The following TBC1D30 variants were observed in gnomAD, a reference collection of about 807,000 sequenced individuals.
The protein encoded by TBC1D30 is TBC1 domain family member 30, also known as TBC1 domain family, member 30.
Under a neutral mutation model 63.2 loss-of-function variants are expected in TBC1D30, and 31 were observed. That is an observed-to-expected ratio of 0.49 (90% confidence interval 0.37 to 0.66). TBC1D30 has a LOEUF of 0.66. TBC1D30 is among the 30% of genes least tolerant of loss of function. The pLI is 0.00. For synonymous variants in TBC1D30, 307 were observed against 361.5 expected, an observed-to-expected ratio of 0.85 and a Z score of 1.71; for missense variants, 810 against 953.6, an observed-to-expected ratio of 0.85 and a Z score of 1.98.
intron 2 of TBC1D30, among the ~76,000 whole-genome samples, chr12:64,795,760 A>T (rs1406082197): frequency 2.6e-5 from 3 of 115,924 alleles, no homozygotes; most frequent in Admixed American, 1.7e-4. Flanking sequence ...TTTAAAAATT[A>T]TCTTTACAAT....
At chr12:64,864,419 AC>A (rs1878043927) in intron 8 of TBC1D30, among the ~76,000 whole-genome samples, 1 of 152,140 alleles carries the variant, frequency 6.6e-6, no homozygotes, top group Admixed American at 6.5e-5. Flanking sequence ...GTGATTGCCC[AC>A]CCTTGTTTAC....
intron 2 of TBC1D30, among the ~76,000 whole-genome samples, chr12:64,801,312 A>C (rs1015114201): frequency 1.3e-5 from 2 of 152,104 alleles, no homozygotes; most frequent in Admixed American, 6.5e-5. Context: ...GGTTGGATCA[A>C]AGTTTGTGTG....
At chr12:64,818,402 T>C (rs1056973332) in intron 2 of TBC1D30, 25 of 984,274 alleles carry the variant, frequency 2.5e-5, no homozygotes, top group Non-Finnish European at 4.8e-6. Flanking sequence ...ACACAATCCT[T>C]GTGTCCTTGT....
At chr12:64,867,375 G>A (rs1878308497) in intron 10 of TBC1D30, among the ~76,000 whole-genome samples, 1 of 151,404 alleles carries the variant, frequency 6.6e-6, no homozygotes, top group Admixed American at 6.6e-5. Context: ...CAGGAGAATC[G>A]CTTGAACCCA....
chr12:64,808,563 G>A (rs1395286097), intron 2 of TBC1D30, among the ~76,000 whole-genome samples: 2 of 152,104 alleles, frequency 1.3e-5, no homozygotes, highest in Non-Finnish European at 2.9e-5. Flanking sequence ...TTTTCTAAGG[G>A]TATCTCTTAT....
chr12:64,776,343 A>G (rs1871080170), upstream of TBC1D30, among the ~76,000 whole-genome samples: 1 of 152,220 alleles, frequency 6.6e-6, no homozygotes, highest in Non-Finnish European at 1.5e-5. Context: ...GAAAAAATTA[A>G]TAAGATAGAT....
At chr12:64,801,891 A>G (rs1221223725) in intron 2 of TBC1D30, among the ~76,000 whole-genome samples, 2 of 152,188 alleles carry the variant, frequency 1.3e-5, no homozygotes, top group African/African-American at 4.8e-5. Context: ...TTAAATGTGC[A>G]TCTAACCTTA....
chr12:64,844,323 AGT>A (rs1258502144), intron 8 of TBC1D30, among the ~76,000 whole-genome samples: 1 of 152,226 alleles, frequency 6.6e-6, no homozygotes, highest in Non-Finnish European at 1.5e-5. Context: ...ATTGACAGCA[AGT>A]ATAGAAAAAA....
chr12:64,808,046 A>G (rs147272006), intron 2 of TBC1D30, among the ~76,000 whole-genome samples: 168 of 151,260 alleles, frequency 1.1e-3, no homozygotes, highest in African/African-American at 4.0e-3. Flanking sequence ...ATGAGCCACT[A>G]TGCCCAGCCA....
At chr12:64,834,863 G>T (rs1461696014) in intron 5 of TBC1D30, among the ~76,000 whole-genome samples, 1 of 151,678 alleles carries the variant, frequency 6.6e-6, no homozygotes, top group Non-Finnish European at 1.5e-5. Flanking sequence ...GATAATTGAA[G>T]AATTTTTTTT....
chr12:64,765,522 T>C (rs1360512898), intron 1 of TBC1D30, among the ~76,000 whole-genome samples: 1 of 63,778 alleles, frequency 1.6e-5, no homozygotes, highest in African/African-American at 6.1e-5. Flanking sequence ...AAAAAAAAAT[T>C]ACTATATAGG....
chr12:64,802,357 A>G (rs1310522500), intron 2 of TBC1D30, among the ~76,000 whole-genome samples: 1 of 152,022 alleles, frequency 6.6e-6, no homozygotes, highest in Non-Finnish European at 1.5e-5. Flanking sequence ...GGAGACGAAA[A>G]GGGTCGCCCA....
intron 8 of TBC1D30, among the ~76,000 whole-genome samples, chr12:64,844,632 TAC>T (rs1399769274): frequency 6.6e-6 from 1 of 152,228 alleles, no homozygotes. Flanking sequence ...TCTTTCTAAC[TAC>T]TTTTTGTACC....
At position 64,877,035 on chromosome 12, in the gene TBC1D30, T is replaced by TA; in HGVS notation, c.*1247_*1248insA. On this transcript the variant is annotated 3_prime_UTR_variant, in exon 12 of 12. Coordinates refer to ENST00000539867, the MANE Select transcript of TBC1D30 (RefSeq NM_015279.2). ...ACACAGATGTATTGGCTACATAGCG[T>TA]GTAAAAACCAAGACTGGGAAGCCAT... 1 of 380,150 alleles carries TA rather than the reference T, an allele frequency of 2.6e-6. No individual in the cohort carries two copies. Among genetic ancestry groups the TA allele is most frequent in the Non-Finnish European group, 5.3e-6 (1 of 188,984 alleles). The allele number at this position is 380,150 out of a possible 1,614,324, so 23.5% of individuals were successfully genotyped here. A position where few individuals can be genotyped will look rare whatever the true frequency, so the allele number is the denominator to read the frequency against.
chr12:64,830,419 A>G lies in TBC1D30; in HGVS notation c.325A>G (p.Ile109Val). 6.5e-7 allele frequency: 1 copy of G among 1,535,598 alleles called. No individual in the cohort carries two copies. The highest frequency in any genetic ancestry group is 8.7e-7 in the Non-Finnish European group (1 of 1,146,556). Residue 109 changes from isoleucine (I) to valine (V), a missense_variant, in exon 4 of 12, where the codon ATT becomes GTT. Ile to Val is a conservative substitution (Grantham distance 29). Transcript: ENST00000539867. ...LADHYLHSIA[I>V]DWDKTMRFTF... ...AGATCATTATTTGCACAGTATAGCC[A>G]TTGACTGGGACAAAACCATGCGCTT...
chr12:64,771,474 AGCTAAAACACTGCATT>A (rs1384116357), intron 1 of TBC1D30, among the ~76,000 whole-genome samples: 1 of 152,050 alleles, frequency 6.6e-6, no homozygotes, highest in African/African-American at 2.4e-5. Flanking sequence ...ATCCTTTGTA[AGCTAAAACACTGCATT>A]TGGGAACAAG....
In TBC1D30 at chr12:64,832,320, T is replaced by C; in HGVS notation, c.594+16T>C. ...TGCCCTGAAAGTGAGTAGCAGGCTC[T>C]GACAAAGGCCATGGACATTCTTCTG... On this transcript the variant is annotated intron_variant, in intron 5 of 11. Transcript: ENST00000539867. 1 of 1,531,872 alleles carries C rather than the reference T, an allele frequency of 6.5e-7. No homozygotes were observed. The allele number at this position is 1,531,872 out of a possible 1,614,324, so 94.9% of individuals were successfully genotyped here. A position where few individuals can be genotyped will look rare whatever the true frequency, so the allele number is the denominator to read the frequency against.
chr12:64,824,918 G>A lies in TBC1D30; in HGVS notation c.39G>A (p.Gly13=), dbSNP rs910459003. ...AGCTGACCGGGTCTCTGAGGCGCGGGGGGAGATGCCTGAAGCGGCAGGGCG... is the reference window on the plus strand; with the variant it reads ...AGCTGACCGGGTCTCTGAGGCGCGGAGGGAGATGCCTGAAGCGGCAGGGCG... The part of the protein sequence containing the change: ...QDKLTGSLRR[G]GRCLKRQGGG... The change falls in exon 1 of 12, where the codon GGG becomes GGA. Residue 13 remains glycine (G), a synonymous_variant. Transcript: ENST00000539867. The A allele has an allele frequency of 1.1e-5, 17 of 1,534,524 alleles. No individual in the cohort carries two copies. The Admixed American group carries it at 2.6e-4, about 23-fold the overall frequency.
At chr12:64,821,469 CTT>C (rs1424925788), upstream of TBC1D30, among the ~76,000 whole-genome samples, 1 of 152,172 alleles carries the variant, frequency 6.6e-6, no homozygotes, top group Non-Finnish European at 1.5e-5. Flanking sequence ...AATAGCCTCT[CTT>C]GTTAAAATAG....
Sources: gnomAD v4.1 joint callset for allele counts (sites outside exome capture counted in the v4.1 genomes callset) on GRCh38, gnomAD v4.1.1 for gene constraint, MANE v1.5 for transcripts, NCBI Gene and HGNC (gene_info 2026-07-23, HGNC 2026-07-21) for gene names.